Variants in RBFOX3 observed in about 807,000 individuals in gnomAD.
RBFOX3 encodes the protein RNA binding protein fox-1 homolog 3.
RBFOX3 carries 17 observed loss-of-function variants against 48.7 expected under a neutral mutation model. The observed-to-expected ratio is 0.35, with a 90% CI of 0.24 to 0.52. The LOEUF (loss-of-function observed/expected upper bound fraction) is 0.52. Among genes scored for constraint, RBFOX3 ranks in the 20% least tolerant of loss-of-function variants. The probability of loss-of-function intolerance (pLI) is 0.94; values close to 1 mark genes in which losing one functional copy is unlikely to be tolerated. For missense variants in RBFOX3, 382 were observed against 497.5 expected (o/e 0.77, Z 2.21); for synonymous variants, 212 against 209.5 (o/e 1.01, Z -0.10).
chr17:79,111,859 G>A lies in RBFOX3; in HGVS notation c.222+3635C>T, dbSNP rs1314341110. Among the ~76,000 whole-genome samples, 3 of 152,248 alleles carry A rather than the reference G, an allele frequency of 2.0e-5. No individual in the cohort carries two copies. Among genetic ancestry groups the A allele is most frequent in the African/African-American group, 7.2e-5 (3 of 41,474 alleles). On this transcript the variant is annotated intron_variant, in intron 5 of 14. Coordinates refer to ENST00000693108, the MANE Select transcript of RBFOX3 (RefSeq NM_001350451.2). The surrounding 1 kb of genome is among the most constrained non-coding windows in gnomAD (Gnocchi z 4.2). ...ACCCCTGCTGGGGAACACAGACCCT[G>A]GGGGTGGCTCAAGGTAGTGAGATGG...
intron 1 of RBFOX3, among the ~76,000 whole-genome samples, chr17:79,496,484 C>T (rs2081559272): frequency 6.6e-6 from 1 of 152,012 alleles, no homozygotes; most frequent in African/African-American, 2.4e-5. Flanking sequence ...CCAGCAACTG[C>T]AACAACATTT....
At chr17:79,115,197 A>G (rs904244952) in intron 5 of RBFOX3, among the ~76,000 whole-genome samples, 1 of 152,200 alleles carries the variant, frequency 6.6e-6, no homozygotes, top group Non-Finnish European at 1.5e-5. Flanking sequence ...AGCCAGGCCC[A>G]GGCGGCTGGA....
In RBFOX3 at chr17:79,390,732, C is replaced by T. The variant is rs1439114004; in HGVS notation, c.-174-82908G>A. Reference sequence around the variant, plus strand: ...TCTCAGACAATCTGCCCGTCTCGGCCTCCCAACGCATGGCCCATTCAAAGT... The same window carrying T: ...TCTCAGACAATCTGCCCGTCTCGGCTTCCCAACGCATGGCCCATTCAAAGT... On this transcript the variant is annotated intron_variant, in intron 2 of 14. Transcript: ENST00000693108. This position sits in a 1 kb window ranked among gnomAD's most constrained non-coding sequence, Gnocchi z 4.2. 6.6e-6 allele frequency among the ~76,000 whole-genome samples: 1 copy of T among 152,240 alleles called. No individual in the cohort carries two copies. Among genetic ancestry groups the T allele is most frequent in the African/African-American group, 2.4e-5 (1 of 41,448 alleles).
chr17:79,292,592 A>G (rs1304905743), intron 3 of RBFOX3, among the ~76,000 whole-genome samples: 1 of 102,226 alleles, frequency 9.8e-6, no homozygotes, highest in Non-Finnish European at 1.9e-5. Flanking sequence ...ATGCACACAC[A>G]CACACACGCA....
chr17:79,181,791 C>G (rs1025018591), intron 4 of RBFOX3, among the ~76,000 whole-genome samples: 1 of 152,166 alleles, frequency 6.6e-6, no homozygotes, highest in Non-Finnish European at 1.5e-5. Context: ...ACCCAAGTGC[C>G]CAGGGGCTAG....
At chr17:79,618,992 A>G in the RBFOX3 span, among the ~76,000 whole-genome samples, 1 of 152,222 alleles carries the variant, frequency 6.6e-6, no homozygotes, top group Non-Finnish European at 1.5e-5. Flanking sequence ...CAACAGGGCA[A>G]GAAAGACACG....
intron 5 of RBFOX3, among the ~76,000 whole-genome samples, chr17:79,107,712 G>A (rs1363545019): frequency 1.3e-5 from 2 of 152,236 alleles, no homozygotes; most frequent in African/African-American, 4.8e-5. Flanking sequence ...AGCTCATCAC[G>A]ACCTAGGCCC....
intron 1 of RBFOX3, among the ~76,000 whole-genome samples, chr17:79,544,663 A>G (rs73426839): frequency 0.29 from 43,964 of 151,576 alleles, 8,845 homozygotes; most frequent in African/African-American, 0.56. Flanking sequence ...CCCTGCAGAC[A>G]CACCTGGCTG....
rs371733872 is a variant in RBFOX3 at position 79,362,072 on chromosome 17, G to T, written c.-174-54248C>A. ...TGCGTATTTACTCAGTCATCAAAGC[G>T]CAAATGTGGTGGGTAACAGATCACT... On this transcript the variant is annotated intron_variant, in intron 2 of 14. Transcript: ENST00000693108. The surrounding 1 kb of genome is among the most constrained non-coding windows in gnomAD (Gnocchi z 4.2). Among the ~76,000 whole-genome samples, 1 of 152,136 alleles carries T rather than the reference G, an allele frequency of 6.6e-6. No homozygotes were observed. Among genetic ancestry groups the T allele is most frequent in the African/African-American group, 2.4e-5 (1 of 41,418 alleles).
intron 1 of RBFOX3, chr17:79,598,817 T>C (rs2093634078): frequency 6.6e-6 from 1 of 152,136 alleles, no homozygotes; most frequent in Non-Finnish European, 1.5e-5. Flanking sequence ...CTCTGAATGG[T>C]GCTTTTAATG....
At chr17:79,153,129 A>C (rs1215879364) in intron 4 of RBFOX3, among the ~76,000 whole-genome samples, 1 of 152,154 alleles carries the variant, frequency 6.6e-6, no homozygotes, top group Non-Finnish European at 1.5e-5. Context: ...ACCCTGGTCC[A>C]GCTGTGTCTG....
At chr17:79,186,920 C>G (rs1317162807) in intron 4 of RBFOX3, among the ~76,000 whole-genome samples, 1 of 152,234 alleles carries the variant, frequency 6.6e-6, no homozygotes, top group South Asian at 2.1e-4. Context: ...GGCACTGCCT[C>G]TCCTCCAGTT....
chr17:79,626,150 G>A, the RBFOX3 span, among the ~76,000 whole-genome samples: 1 of 152,114 alleles, frequency 6.6e-6, no homozygotes, highest in Non-Finnish European at 1.5e-5. Context: ...GAAGTGGGGG[G>A]AGGATGCTGG....
In RBFOX3 at chr17:79,356,348, G is replaced by GTTTTTTTTTTTTTTTT. The variant is rs58040659; in HGVS notation, c.-174-48540_-174-48525dup. The stretch of plus-strand genomic sequence containing the variant: ...ACTTTTTCACTTTTAAAACAGGGAA[G>GTTTTTTTTTTTTTTTT]TTTTTTTTTTTTTTTTTTTTTTTTT... On this transcript the variant is annotated intron_variant, in intron 2 of 14. Coordinates refer to ENST00000693108, the MANE Select transcript of RBFOX3 (RefSeq NM_001350451.2). Among the ~76,000 whole-genome samples, 55 of 47,330 alleles carry GTTTTTTTTTTTTTTTT rather than the reference G, an allele frequency of 1.2e-3. 6 individuals are homozygous for GTTTTTTTTTTTTTTTT. The highest frequency in any genetic ancestry group is 2.0e-3 in the East Asian group (3 of 1,496). The allele number at this position is 47,330 out of a possible 152,430, so 31.1% of individuals were successfully genotyped here. A position where few individuals can be genotyped will look rare whatever the true frequency, so the allele number is the denominator to read the frequency against.
chr17:79,138,127 C>T (rs2040693543), intron 4 of RBFOX3, among the ~76,000 whole-genome samples: 1 of 152,080 alleles, frequency 6.6e-6, no homozygotes, highest in Non-Finnish European at 1.5e-5. Context: ...GGAGCCTCTC[C>T]AGGCACCCAG....
intron 3 of RBFOX3, among the ~76,000 whole-genome samples, chr17:79,272,484 T>G (rs540162928): frequency 6.6e-6 from 1 of 152,172 alleles, no homozygotes; most frequent in African/African-American, 2.4e-5. Flanking sequence ...CTCTTCTCAG[T>G]GTTACACAGG....
At chr17:79,534,826 G>A (rs1344469612) in intron 1 of RBFOX3, among the ~76,000 whole-genome samples, 5 of 152,136 alleles carry the variant, frequency 3.3e-5, no homozygotes, top group South Asian at 4.1e-4. Flanking sequence ...TCAGGAAAAC[G>A]CCCACCTGCC....
intron 4 of RBFOX3, among the ~76,000 whole-genome samples, chr17:79,225,717 C>G (rs1368460467): frequency 1.3e-5 from 2 of 152,166 alleles, no homozygotes; most frequent in African/African-American, 4.8e-5. Flanking sequence ...TGGGCAGAGC[C>G]GGAGGGGGTA....
the RBFOX3 span, among the ~76,000 whole-genome samples, chr17:79,656,757 GGAAGGAAGGAAGGAAGGAAGGAAAGAAA>G: frequency 1.3e-3 from 23 of 17,878 alleles, no homozygotes; most frequent in African/African-American, 2.9e-3. Context: ...AAAGAAGGAA[GGAAGGAAGGAAGGAAGGAAGGAAAGAAA>G]GAAAGAAAGA....
Sources: gnomAD v4.1 joint callset for allele counts (sites outside exome capture counted in the v4.1 genomes callset) on GRCh38, gnomAD v4.1.1 for gene constraint, Gnocchi (gnomAD v3.1) non-coding constraint, MANE v1.5 for transcripts, NCBI Gene and HGNC (gene_info 2026-07-23, HGNC 2026-07-21) for gene names.